The following MTTP variants were observed in gnomAD, a reference collection of about 807,000 sequenced individuals.
MTTP encodes microsomal triglyceride transfer protein.
A neutral mutation model predicts 90.6 loss-of-function variants in MTTP; 49 were observed. The observed-to-expected ratio is 0.54, with a 90% CI of 0.43 to 0.69. MTTP has a LOEUF of 0.69. MTTP is among the 30% of genes least tolerant of loss of function. The probability of loss-of-function intolerance (pLI) is 0.00; values close to 1 mark genes in which losing one functional copy is unlikely to be tolerated. For synonymous variants in MTTP, 347 were observed against 384.2 expected, an observed-to-expected ratio of 0.90 and a Z score of 1.13; for missense variants, 945 against 1,067.5, an observed-to-expected ratio of 0.89 and a Z score of 1.60.
At chr4:99,601,517 A>C in intron 9 of MTTP, 90 bp from the exon 10 acceptor site, 2 of 1,014,022 alleles carry the variant, frequency 2.0e-6, no homozygotes, top group South Asian at 2.6e-5. Context: ...AAAATACTTT[A>C]CCAAGTATGT....
chr4:99,612,586 A>G (rs1416791022), intron 14 of MTTP, among the ~76,000 whole-genome samples: 1 of 152,154 alleles, frequency 6.6e-6, no homozygotes. Context: ...TAGAAAGCTC[A>G]TGGTTTTCAT....
rs187172183 is a variant in MTTP at position 99,617,570 on chromosome 4, A to G, written c.2218-1404A>G. On this transcript the variant is annotated intron_variant, in intron 15 of 17. Coordinates refer to ENST00000265517, the MANE Select transcript of MTTP (RefSeq NM_001386140.1). The stretch of plus-strand genomic sequence containing the variant: ...GTTAGTCATCCTGCCGGTTGCCAGG[A>G]ATTTAAGATCTTTGGAGGAATATCA... 3.3e-5 allele frequency among the ~76,000 whole-genome samples: 5 copies of G among 152,302 alleles called. No homozygotes were observed. In the East Asian group the frequency reaches 7.7e-4, roughly 24 times the overall value.
intron 3 of MTTP, among the ~76,000 whole-genome samples, chr4:99,589,365 G>T (rs1725356835): frequency 6.6e-6 from 1 of 152,012 alleles, no homozygotes; most frequent in Non-Finnish European, 1.5e-5. Flanking sequence ...GGCCATCCTT[G>T]TTTTCATGAG....
At chr4:99,608,607 C>A (rs554210416) in intron 11 of MTTP, among the ~76,000 whole-genome samples, 159 bp from the exon 12 acceptor site, 1 of 152,312 alleles carries the variant, frequency 6.6e-6, no homozygotes, top group East Asian at 1.9e-4. Context: ...GGCGTATTAG[C>A]CAGAACTAGT....
At chr4:99,564,624 G>A (rs191277772) in intron 1 of MTTP, among the ~76,000 whole-genome samples, 2 of 152,208 alleles carry the variant, frequency 1.3e-5, no homozygotes, top group Admixed American at 1.3e-4. Context: ...TATAGATCAT[G>A]TCAACTGAGA....
intron 1 of MTTP, among the ~76,000 whole-genome samples, chr4:99,580,243 A>G (rs1711809035): frequency 6.6e-6 from 1 of 151,760 alleles, no homozygotes; most frequent in African/African-American, 2.4e-5. Context: ...GATATATAGT[A>G]TAGATAAGAG....
In MTTP at chr4:99,608,879, C is replaced by T; in HGVS notation, c.1671C>T (p.Val557=). 1 of 1,614,130 alleles carries T rather than the reference C, an allele frequency of 6.2e-7. No individual in the cohort carries two copies. The highest frequency in any genetic ancestry group is 1.1e-5 in the South Asian group (1 of 91,080). ...ATAACAATCCATCCTACATGGACGT[C>T]AAGAACATCCTGCTGTCTATTGGGG... ...ILNNNPSYMD[V]KNILLSIGEL... Residue 557 remains valine (V), a synonymous_variant, in exon 12 of 18, where the codon GTC becomes GTT. Coordinates refer to ENST00000265517, the MANE Select transcript of MTTP (RefSeq NM_001386140.1).
intron 1 of MTTP, among the ~76,000 whole-genome samples, chr4:99,581,432 T>A (rs544246644): frequency 6.6e-6 from 1 of 152,214 alleles, no homozygotes; most frequent in South Asian, 2.1e-4. Flanking sequence ...AGATGTTTCT[T>A]AAATATCAAA....
intron 8 of MTTP, among the ~76,000 whole-genome samples, chr4:99,600,346 ATTGT>A (rs1009222232): frequency 2.9e-4 from 44 of 152,238 alleles, no homozygotes; most frequent in African/African-American, 8.4e-4. Flanking sequence ...CTGAGTATAC[ATTGT>A]TTGAGTGAGA....
rs17532601 is a variant in MTTP at position 99,582,115 on chromosome 4, A to G, written c.249+23A>G. ...ACGGTGGGCATTTTCTACCAGATAA[A>G]TGCAAAGATTAGATATCAGAAGTTT... On this transcript the variant is annotated intron_variant, in intron 2 of 17. Coordinates refer to ENST00000265517, the MANE Select transcript of MTTP (RefSeq NM_001386140.1). 0.033 allele frequency: 52,864 copies of G among 1,613,190 alleles called. 1,046 individuals carry two copies. Among genetic ancestry groups the G allele is most frequent in the Non-Finnish European group, 0.037 (43,099 of 1,179,164 alleles).
intron 10 of MTTP, among the ~76,000 whole-genome samples, chr4:99,602,620 A>G (rs1725724716): frequency 6.6e-6 from 1 of 152,130 alleles, no homozygotes; most frequent in South Asian, 2.1e-4. Flanking sequence ...AAAGATCACT[A>G]AAAACAGTAG....
chr4:99,603,245 G>A (rs1355376278), intron 10 of MTTP, among the ~76,000 whole-genome samples: 1 of 152,086 alleles, frequency 6.6e-6, no homozygotes, highest in Non-Finnish European at 1.5e-5. Flanking sequence ...GGAGACACAG[G>A]AAAGATGGGA....
chr4:99,598,886 C>G (rs1197226904), intron 8 of MTTP, among the ~76,000 whole-genome samples: 1 of 152,084 alleles, frequency 6.6e-6, no homozygotes, highest in Non-Finnish European at 1.5e-5. Flanking sequence ...TGGTCTCAAA[C>G]TCCTGACCTC....
chr4:99,591,823 C>A, intron 6 of MTTP, 33 bp downstream of exon 6: 1 of 1,541,088 alleles, frequency 6.5e-7, no homozygotes, highest in Non-Finnish European at 8.9e-7. Flanking sequence ...ATTTTCTTTG[C>A]TATTCTTTGT....
chr4:99,621,099 C>T lies in MTTP; in HGVS notation c.2381C>T (p.Ser794Phe). The T allele has an allele frequency of 6.2e-7, 1 of 1,614,070 alleles. No homozygotes were observed. Among genetic ancestry groups the T allele is most frequent in the Non-Finnish European group, 8.5e-7 (1 of 1,179,972 alleles). The change falls in exon 17 of 18, where the codon TCC becomes TTC. Residue 794 changes from serine to phenylalanine, a missense_variant. By Grantham distance (155) the Ser-to-Phe change is radical (BLOSUM62 -2). Coordinates refer to ENST00000265517, the MANE Select transcript of MTTP (RefSeq NM_001386140.1). ...VVITTDITVD[S>F]SFVKAGLETS... The stretch of plus-strand genomic sequence containing the variant: ...ATAACCACTGACATCACAGTGGACT[C>T]CTCTTTTGTGAAAGCTGGCCTGGAA...
Position 99,622,933 on chromosome 4 carries a change from C to A in MTTP, c.*85C>A. 7.1e-7 allele frequency: 1 copy of A among 1,410,406 alleles called. No individual in the cohort carries two copies. The highest frequency in any genetic ancestry group is 1.0e-6 in the Non-Finnish European group (1 of 995,938). 87.4% of individuals were successfully genotyped at this position (1,410,406 alleles called of 1,614,324 possible). A position where few individuals can be genotyped will look rare whatever the true frequency, so the allele number is the denominator to read the frequency against. On this transcript the variant is annotated 3_prime_UTR_variant, in exon 18 of 18. Transcript: ENST00000265517. ...ACTAAGTACTTGCTCTCTGAGAGCA[C>A]AGCGTTTACATATTTACCTGTATTT...
At position 99,594,794 on chromosome 4, in the gene MTTP, G is replaced by T; in HGVS notation, c.820G>T (p.Ala274Ser). Reference protein sequence around the residue: ...GPRLMSGKQAAAIIKAVDSKY... With the variant: ...GPRLMSGKQASAIIKAVDSKY... ...AAGATTGATGTCTGGAAAGCAGGCT[G>T]CAGCCATAATCAAAGCAGTTGATTC... Residue 274 changes from alanine to serine, a missense_variant, in exon 7 of 18, where the codon GCA (alanine) becomes TCA (serine). By Grantham distance (99) the Ala-to-Ser change is moderately conservative (BLOSUM62 1). Transcript: ENST00000265517. The T allele has an allele frequency of 6.2e-7, 1 of 1,613,984 alleles. No individual in the cohort carries two copies. Among genetic ancestry groups the T allele is most frequent in the Non-Finnish European group, 8.5e-7 (1 of 1,179,918 alleles).
intron 1 of MTTP, among the ~76,000 whole-genome samples, chr4:99,577,637 A>G (rs1403375627): frequency 2.0e-5 from 3 of 151,318 alleles, no homozygotes; most frequent in Non-Finnish European, 4.4e-5. Context: ...GAAAAGAAAG[A>G]AAGGAAGGAA....
At chr4:99,599,745 C>T (rs1725649888) in intron 8 of MTTP, among the ~76,000 whole-genome samples, 2 of 152,212 alleles carry the variant, frequency 1.3e-5, no homozygotes, top group African/African-American at 4.8e-5. Flanking sequence ...AGTATTATGT[C>T]TTCTAGTTAT....
Sources: allele counts gnomAD v4.1 joint callset (sites outside exome capture counted in the v4.1 genomes callset), GRCh38; gene constraint gnomAD v4.1.1; transcripts MANE v1.5; gene names NCBI Gene and HGNC (gene_info 2026-07-23, HGNC 2026-07-21).